The following MAD1L1 variants were observed in gnomAD, a reference collection of about 807,000 sequenced individuals.
MAD1L1 encodes the protein mitotic spindle assembly checkpoint protein MAD1.
A neutral mutation model predicts 96.9 loss-of-function variants in MAD1L1; 95 were observed. The ratio of observed to expected loss-of-function variants is 0.98; its 90% confidence interval spans 0.83 to 1.16. The LOEUF (loss-of-function observed/expected upper bound fraction) is 1.16, where lower values mean the gene tolerates loss of function less well. MAD1L1 is among the 50% of genes most tolerant of loss of function. The pLI is 0.00. For missense variants in MAD1L1, 1,007 were observed against 954.4 expected, an observed-to-expected ratio of 1.06 and a Z score of -0.73; for synonymous variants, 473 against 396.6, an observed-to-expected ratio of 1.19 and a Z score of -2.29.
intron 11 of MAD1L1, among the ~76,000 whole-genome samples, chr7:2,108,835 GGCCCAGGTGGC>G (rs1388491265): frequency 1.3e-5 from 2 of 152,212 alleles, no homozygotes; most frequent in Non-Finnish European, 2.9e-5. Flanking sequence ...GTCAGAAATG[GGCCCAGGTGGC>G]CTCCAGGAGC....
At chr7:1,924,458 G>A (rs1002412353) in intron 17 of MAD1L1, among the ~76,000 whole-genome samples, 3 of 152,210 alleles carry the variant, frequency 2.0e-5, no homozygotes, top group African/African-American at 7.2e-5. Context: ...AACCACAGAA[G>A]CCAGAAGATG....
intron 11 of MAD1L1, among the ~76,000 whole-genome samples, chr7:2,105,711 C>T (rs796194387): frequency 6.6e-6 from 1 of 152,224 alleles, no homozygotes; most frequent in African/African-American, 2.4e-5. Context: ...TCCTCACCCC[C>T]GCACGGTCCA....
chr7:1,901,796 C>T (rs1281298837), intron 17 of MAD1L1, among the ~76,000 whole-genome samples: 4 of 152,192 alleles, frequency 2.6e-5, no homozygotes, highest in Admixed American at 6.5e-5. Flanking sequence ...CTTCCCTGCC[C>T]GGGGATGTTG....
intron 11 of MAD1L1, among the ~76,000 whole-genome samples, chr7:2,072,503 A>C (rs796217767): frequency 6.6e-6 from 1 of 152,214 alleles, no homozygotes; most frequent in African/African-American, 2.4e-5. Context: ...ACATATTATG[A>C]GGCTACTTTG....
chr7:2,018,094 G>A (rs541400317), intron 12 of MAD1L1, among the ~76,000 whole-genome samples: 8 of 152,262 alleles, frequency 5.3e-5, no homozygotes, highest in Admixed American at 2.6e-4. Context: ...GGCAGAGACC[G>A]GCCCCGTGGC....
At chr7:2,069,171 C>G in intron 12 of MAD1L1, 23 bp downstream of exon 12, 1 of 1,550,690 alleles carries the variant, frequency 6.4e-7, no homozygotes, top group Non-Finnish European at 8.7e-7. Context: ...CGACTCTGAT[C>G]AAGATGTAAG....
chr7:1,881,508 C>T (rs959157302), intron 18 of MAD1L1, among the ~76,000 whole-genome samples: 44 of 152,168 alleles, frequency 2.9e-4, no homozygotes, highest in African/African-American at 7.7e-4. Context: ...TGTTACACAG[C>T]GAAAGATAAA....
intron 13 of MAD1L1, among the ~76,000 whole-genome samples, chr7:2,007,506 A>ACCCCGTC (rs57193072): frequency 2.6e-5 from 4 of 151,384 alleles, no homozygotes; most frequent in Non-Finnish European, 4.4e-5. Context: ...ACATGGTGAA[A>ACCCCGTC]TTACTAAAAA....
At chr7:2,077,937 A>G (rs1785456819) in intron 11 of MAD1L1, among the ~76,000 whole-genome samples, 1 of 152,204 alleles carries the variant, frequency 6.6e-6, no homozygotes, top group African/African-American at 2.4e-5. Flanking sequence ...AAAATTTTAA[A>G]TGGAGCACGA....
chr7:2,211,353 C>T (rs1792937592), intron 10 of MAD1L1, among the ~76,000 whole-genome samples: 1 of 152,238 alleles, frequency 6.6e-6, no homozygotes, highest in South Asian at 2.1e-4. Context: ...AGGCAGGGCG[C>T]TCAGATGCGG....
intron 18 of MAD1L1, among the ~76,000 whole-genome samples, chr7:1,826,497 G>A (rs1782401024): frequency 6.6e-6 from 1 of 152,180 alleles, no homozygotes; most frequent in South Asian, 2.1e-4. Context: ...GCTCCGCGGA[G>A]CTCCTGGTCC....
intron 18 of MAD1L1, among the ~76,000 whole-genome samples, chr7:1,822,691 T>G (rs575391887): frequency 2.0e-4 from 31 of 151,798 alleles, no homozygotes; most frequent in Middle Eastern, 3.4e-3. Flanking sequence ...CCCCAAGTGT[T>G]GGGATTACAG....
intron 17 of MAD1L1, among the ~76,000 whole-genome samples, chr7:1,921,239 C>T (rs1432014925): frequency 6.6e-6 from 1 of 152,218 alleles, no homozygotes; most frequent in Non-Finnish European, 1.5e-5. Flanking sequence ...GATTCTTCCA[C>T]TAGATTAACC....
At chr7:2,175,686 A>C (rs962638033) in intron 10 of MAD1L1, among the ~76,000 whole-genome samples, 1 of 152,144 alleles carries the variant, frequency 6.6e-6, no homozygotes, top group Non-Finnish European at 1.5e-5. Flanking sequence ...AATGACTGCC[A>C]AAGTAGGAGC....
chr7:2,168,288 AG>A (rs1432430349), intron 10 of MAD1L1, among the ~76,000 whole-genome samples: 7 of 132,216 alleles, frequency 5.3e-5, no homozygotes, highest in African/African-American at 2.4e-4. Context: ...GTCTAAAAAA[AG>A]AAAAAAAAAG....
Position 2,222,694 on chromosome 7 carries a change from C to T in MAD1L1, c.352G>A (p.Ala118Thr). The change falls in exon 5 of 19, where the codon GCC (alanine) becomes ACC (threonine). Residue 118 changes from alanine to threonine, a missense_variant. Coordinates refer to ENST00000265854, the MANE Select transcript of MAD1L1 (RefSeq NM_001013836.2). ...TCCTGCATCTTCTCCTCCGCCCCGG[C>T]CTCCCGCTCCTGAAGCTGCCGGATG... is the stretch of plus-strand genomic sequence containing the variant. ...TRIRQLQERE[A>T]GAEEKMQEQL... 1 of 1,611,676 alleles carries T rather than the reference C, an allele frequency of 6.2e-7. No homozygotes were observed. Among genetic ancestry groups the T allele is most frequent in the African/African-American group, 1.3e-5 (1 of 75,050 alleles).
chr7:2,024,596 G>A (rs1410740245), intron 12 of MAD1L1, among the ~76,000 whole-genome samples: 1 of 152,214 alleles, frequency 6.6e-6, no homozygotes, highest in Non-Finnish European at 1.5e-5. Context: ...GGAAGCTGCT[G>A]CCCCCTCTGT....
rs921575636 is a variant in MAD1L1 at position 1,937,011 on chromosome 7, G to A, written c.1597-114C>T. On this transcript the variant is annotated intron_variant, in intron 16 of 18. Coordinates refer to ENST00000265854, the MANE Select transcript of MAD1L1 (RefSeq NM_001013836.2). ...AGACACACAGCACGGGTCACACACA[G>A]CACAGTGCTCAGTTCTTTTGTCTTC... The A allele has an allele frequency of 3.8e-6, 3 of 786,142 alleles. No homozygotes were observed. The East Asian group carries it at 8.2e-5, about 21-fold the overall frequency. 48.7% of individuals were successfully genotyped at this position (786,142 alleles called of 1,614,324 possible).
chr7:1,942,887 C>T (rs1204057451), intron 16 of MAD1L1, among the ~76,000 whole-genome samples: 1 of 152,180 alleles, frequency 6.6e-6, no homozygotes, highest in Non-Finnish European at 1.5e-5. Flanking sequence ...AAACTTACTA[C>T]AAAGCCACTG....
Sources: allele counts gnomAD v4.1 joint callset (sites outside exome capture counted in the v4.1 genomes callset), GRCh38; gene constraint gnomAD v4.1.1; transcripts MANE v1.5; gene names NCBI Gene and HGNC (gene_info 2026-07-23, HGNC 2026-07-21).